PRUNE1: variants seen among roughly 807,000 people sequenced by gnomAD.
PRUNE1 encodes prune exopolyphosphatase 1.
A neutral mutation model predicts 42.5 loss-of-function variants in PRUNE1; 25 were observed. The ratio of observed to expected loss-of-function variants is 0.59; its 90% CI spans 0.43 to 0.82. The LOEUF is 0.82. Ranked by LOEUF, PRUNE1 falls within the 40% of genes least tolerant of loss-of-function variation. PRUNE1 has a pLI of 0.00. For missense variants in PRUNE1, 443 were observed against 539.3 expected (o/e 0.82, Z 1.77); for synonymous variants, 203 against 217.1 (o/e 0.93, Z 0.57).
rs1213486879 is a variant in PRUNE1 at position 151,033,918 on chromosome 1, A to G, written c.1046A>G (p.Lys349Arg). The G allele has an allele frequency of 1.2e-6, 2 of 1,613,988 alleles. No individual in the cohort carries two copies. Among genetic ancestry groups the G allele is most frequent in the Non-Finnish European group, 1.7e-6 (2 of 1,179,998 alleles). ...YLQGNTQVSRKKLLPLLQEAL... is the reference protein window; with the variant it reads ...YLQGNTQVSRRKLLPLLQEAL... ...CAAGGCAACACCCAGGTCTCTCGAAAGAAACTTCTGCCCCTGCTCCAGGAA... is the reference window on the plus strand; with the variant it reads ...CAAGGCAACACCCAGGTCTCTCGAAGGAAACTTCTGCCCCTGCTCCAGGAA... The change falls in exon 8 of 8, where the codon AAG becomes AGG. Residue 349 changes from lysine (K) to arginine (R), a missense_variant. By Grantham distance (26) the Lys-to-Arg change is conservative. Coordinates refer to ENST00000271620, the MANE Select transcript of PRUNE1 (RefSeq NM_021222.3).
chr1:151,018,109 G>A (rs781573655), intron 2 of PRUNE1, among the ~76,000 whole-genome samples: 18 of 152,110 alleles, frequency 1.2e-4, no homozygotes, highest in South Asian at 4.2e-4. Context: ...AATATATTTC[G>A]AGGGATATGT....
At chr1:151,025,124 C>T (rs1382571392) in intron 4 of PRUNE1, among the ~76,000 whole-genome samples, 2 of 147,894 alleles carry the variant, frequency 1.4e-5, no homozygotes, top group South Asian at 4.4e-4. Context: ...TTGAGCAAAT[C>T]TCTTAACCTT....
intron 5 of PRUNE1, 147 bp from the exon 6 acceptor site, chr1:151,027,086 A>G (rs1369049185): frequency 1.4e-5 from 7 of 514,508 alleles, no homozygotes; most frequent in South Asian, 2.2e-5. Flanking sequence ...GCGCCCGGCT[A>G]TGATTACATT....
intron 1 of PRUNE1, among the ~76,000 whole-genome samples, chr1:151,013,280 G>A (rs1207333237): frequency 6.6e-6 from 1 of 152,190 alleles, no homozygotes; most frequent in African/African-American, 2.4e-5. Flanking sequence ...GTGACAGTGG[G>A]TGTTGACAGG....
In PRUNE1 at chr1:151,035,138, T is replaced by C. The variant is rs1420237489; in HGVS notation, c.*904T>C. On this transcript the variant is annotated 3_prime_UTR_variant, in exon 8 of 8. Transcript: ENST00000271620. ...TAATGCTCCCATAAACTATGTATTT[T>C]GGCAAGACACTTCACTACTCCAGGT... 6.6e-6 allele frequency: 1 copy of C among 152,230 alleles called. No individual in the cohort carries two copies. Among genetic ancestry groups the C allele is most frequent in the African/African-American group, 2.4e-5 (1 of 41,458 alleles). The allele number at this position is 152,230 out of a possible 1,614,324, so 9.4% of individuals were successfully genotyped here.
chr1:151,028,386 C>T (rs2864701), intron 6 of PRUNE1, among the ~76,000 whole-genome samples: 1,810 of 151,258 alleles, frequency 0.012, 34 homozygotes, highest in African/African-American at 0.041. Context: ...ATTACTGGTG[C>T]GTGCCGGCAT....
At chr1:151,029,904 A>G (rs1362941982) in intron 7 of PRUNE1, among the ~76,000 whole-genome samples, 2 of 152,072 alleles carry the variant, frequency 1.3e-5, no homozygotes, top group East Asian at 3.9e-4. Flanking sequence ...AGATTTGGCT[A>G]TCTTTCCTAC....
chr1:151,024,156 C>A (rs1185928436), intron 3 of PRUNE1, among the ~76,000 whole-genome samples: 3 of 141,592 alleles, frequency 2.1e-5, no homozygotes, highest in Non-Finnish European at 3.0e-5. Context: ...CATTGCACTC[C>A]AACCTGGGCA....
intron 5 of PRUNE1, 45 bp downstream of exon 5, chr1:151,025,718 A>G (rs587749310): frequency 3.2e-6 from 5 of 1,556,544 alleles, no homozygotes; most frequent in South Asian, 1.2e-5. Context: ...ATAAGAAAAC[A>G]GAAAGGCAAG....
intron 6 of PRUNE1, among the ~76,000 whole-genome samples, chr1:151,027,769 T>TGCGCGC: frequency 7.1e-6 from 1 of 140,492 alleles, no homozygotes; most frequent in African/African-American, 3.1e-5. Context: ...TGTGTGTGTG[T>TGCGCGC]GTGTGTGTGT....
intron 7 of PRUNE1, among the ~76,000 whole-genome samples, chr1:151,032,772 G>A (rs1026297746): frequency 2.0e-5 from 3 of 150,614 alleles, no homozygotes; most frequent in East Asian, 1.9e-4. Flanking sequence ...CAATAAAACC[G>A]AACTCTGGAC....
At chr1:151,024,998 G>T (rs952556907) in intron 4 of PRUNE1, among the ~76,000 whole-genome samples, 4 of 152,156 alleles carry the variant, frequency 2.6e-5, no homozygotes, top group African/African-American at 9.7e-5. Flanking sequence ...TAGAAAGGAA[G>T]TGCAGGGCAA....
rs771794927 is a variant in PRUNE1 at position 151,018,447 on chromosome 1, C to T, written c.133-20C>T. The T allele has an allele frequency of 3.3e-5, 52 of 1,587,496 alleles. No homozygotes were observed. Among genetic ancestry groups the T allele is most frequent in the Middle Eastern group, 1.7e-4 (1 of 6,008 alleles). ...TCATTATAAAACCTTGTGATACCTT[C>T]TTTTCACTTTCCTATCTAGACAACT... On this transcript the variant is annotated intron_variant, in intron 2 of 7. Transcript: ENST00000271620.
intron 6 of PRUNE1, 71 bp downstream of exon 6, chr1:151,027,398 C>A (rs1048730284): frequency 2.7e-6 from 3 of 1,097,814 alleles, no homozygotes; most frequent in Non-Finnish European, 4.1e-6. Flanking sequence ...TGTGGCCTTG[C>A]ACCTCATTCC....
intron 5 of PRUNE1, 121 bp downstream of exon 5, chr1:151,025,794 G>T: frequency 1.0e-6 from 1 of 1,003,702 alleles, no homozygotes. Flanking sequence ...AGGCTAGAGT[G>T]CAGTGGCACA....
chr1:151,025,123 T>A (rs1674740612), intron 4 of PRUNE1, among the ~76,000 whole-genome samples: 1 of 148,252 alleles, frequency 6.7e-6, no homozygotes, highest in Non-Finnish European at 1.5e-5. Flanking sequence ...CTTGAGCAAA[T>A]CTCTTAACCT....
intron 6 of PRUNE1, among the ~76,000 whole-genome samples, chr1:151,028,013 G>C (rs1005700371): frequency 6.6e-6 from 1 of 152,048 alleles, no homozygotes; most frequent in African/African-American, 2.4e-5. Flanking sequence ...TCTCATTCCA[G>C]CTCCACTCCT....
intron 1 of PRUNE1, among the ~76,000 whole-genome samples, chr1:151,009,115 G>C (rs1430254043): frequency 1.3e-5 from 2 of 152,098 alleles, no homozygotes; most frequent in Non-Finnish European, 2.9e-5. Flanking sequence ...GTGAACCTCG[G>C]GGGTGTGGAG....
Position 151,027,377 on chromosome 1 carries a change from C to T in PRUNE1, c.774+50C>T, listed in dbSNP as rs762542998. ...TGGGGAGAGAAAGCCTTTAGCTATG[C>T]ATGTTATGCATGTGGCCTTGCACCT... On this transcript the variant is annotated intron_variant, in intron 6 of 7. Transcript: ENST00000271620. 7 of 1,338,222 alleles carry T rather than the reference C, an allele frequency of 5.2e-6. No individual in the cohort carries two copies. In the South Asian group the frequency reaches 8.4e-5, roughly 16 times the overall value. The allele number at this position is 1,338,222 out of a possible 1,614,324, so 82.9% of individuals were successfully genotyped here.
Sources: gnomAD v4.1 joint callset for allele counts (sites outside exome capture counted in the v4.1 genomes callset) on GRCh38, gnomAD v4.1.1 for gene constraint, MANE v1.5 for transcripts, NCBI Gene and HGNC (gene_info 2026-07-23, HGNC 2026-07-21) for gene names.